The following NFIX variants were observed in gnomAD, a reference collection of about 807,000 sequenced individuals.
NFIX encodes nuclear factor 1 X-type.
NFIX carries 2 observed loss-of-function variants against 53.3 expected under a neutral mutation model. The observed-to-expected ratio is 0.04, with a 90% CI of 0.02 to 0.12. The LOEUF (loss-of-function observed/expected upper bound fraction) is 0.12, where lower values mean the gene tolerates loss of function less well. Among genes scored for constraint, NFIX ranks in the 10% least tolerant of loss-of-function variants. The pLI, the probability that NFIX is intolerant of heterozygous loss-of-function variation, is 1.00. For synonymous variants in NFIX, 244 were observed against 289.0 expected (o/e 0.84, Z 1.58); for missense variants, 310 against 674.5 (o/e 0.46, Z 5.99).
chr19:13,020,092 G>A (rs578244240), intron 1 of NFIX, among the ~76,000 whole-genome samples: 6 of 152,212 alleles, frequency 3.9e-5, no homozygotes, highest in East Asian at 1.9e-4. Flanking sequence ...GCCTTGAATC[G>A]TATGAGGGAT....
At chr19:13,062,931 C>G (rs1168144978) in intron 2 of NFIX, among the ~76,000 whole-genome samples, 1 of 152,186 alleles carries the variant, frequency 6.6e-6, no homozygotes, top group Admixed American at 6.5e-5. Context: ...CAGCCTAACT[C>G]CCACTTCCCC....
chr19:13,050,112 T>A (rs560298419), intron 2 of NFIX, among the ~76,000 whole-genome samples: 2 of 152,384 alleles, frequency 1.3e-5, no homozygotes, highest in South Asian at 4.1e-4. Flanking sequence ...CTGCATTCCT[T>A]GTGCATCTTG....
rs1355296496 is a variant in NFIX, at chr19:12,996,979, A to G, written c.27+1115A>G. 2.6e-5 allele frequency among the ~76,000 whole-genome samples: 4 copies of G among 152,246 alleles called. No homozygotes were observed. Among genetic ancestry groups the G allele is most frequent in the African/African-American group, 4.8e-5 (2 of 41,462 alleles). ...ACAGCGTTGCCTGCAGGGCCAAGCCACAGCTGGTAACAGTCTCCGAAGAGG... is the reference window on the plus strand; with the variant it reads ...ACAGCGTTGCCTGCAGGGCCAAGCCGCAGCTGGTAACAGTCTCCGAAGAGG... On this transcript the variant is annotated intron_variant, in intron 1 of 10. Coordinates refer to ENST00000592199, the MANE Select transcript of NFIX (RefSeq NM_001365902.3). This position sits in a 1 kb window ranked among gnomAD's most constrained non-coding sequence, Gnocchi z 5.2.
Position 13,096,263 on chromosome 19 carries a change from T to G in NFIX, c.*1614T>G, listed in dbSNP as rs2018449518. ...ACACAAAGCACAGGTCAGGATCCTCTGAGAGAAAATCAACATTGCACCACG... is the reference window on the plus strand; with the variant it reads ...ACACAAAGCACAGGTCAGGATCCTCGGAGAGAAAATCAACATTGCACCACG... On this transcript the variant is annotated 3_prime_UTR_variant, in exon 11 of 11. Transcript: ENST00000592199. The G allele has an allele frequency of 1.3e-5, 2 of 152,708 alleles. No homozygotes were observed. Among genetic ancestry groups the G allele is most frequent in the African/African-American group, 2.4e-5 (1 of 41,454 alleles). The allele number at this position is 152,708 out of a possible 1,614,324, so 9.5% of individuals were successfully genotyped here. A position where few individuals can be genotyped will look rare whatever the true frequency, so the allele number is the denominator to read the frequency against.
At chr19:13,033,745 C>T (rs779569885) in intron 2 of NFIX, among the ~76,000 whole-genome samples, 37 of 152,234 alleles carry the variant, frequency 2.4e-4, no homozygotes, top group Non-Finnish European at 4.4e-4. Context: ...TAAGCCTGTG[C>T]TCCTGGCTGG....
At chr19:13,035,547 G>A (rs1280027713) in intron 2 of NFIX, among the ~76,000 whole-genome samples, 1 of 152,046 alleles carries the variant, frequency 6.6e-6, no homozygotes, top group Non-Finnish European at 1.5e-5. Flanking sequence ...CATGAGACAC[G>A]GAGACCAGAA....
chr19:13,056,284 G>C (rs1019141482), intron 2 of NFIX, among the ~76,000 whole-genome samples: 4 of 152,194 alleles, frequency 2.6e-5, no homozygotes, highest in Non-Finnish European at 5.9e-5. Flanking sequence ...CTCACGGGGA[G>C]GAGCTTGAGG....
At chr19:13,031,364 G>T (rs2013791584) in intron 2 of NFIX, among the ~76,000 whole-genome samples, 1 of 152,132 alleles carries the variant, frequency 6.6e-6, no homozygotes. Flanking sequence ...TATGGGCATG[G>T]TGACCAGCCG....
chr19:13,090,157 G>C lies in NFIX; in HGVS notation c.1403-142G>C, dbSNP rs564904240. Reference sequence around the variant, plus strand: ...GGCCTTCAGCTCAGATGCCCCTCTGGCCCATCCTTCCCACTGCCAGCCTAA... The same window carrying C: ...GGCCTTCAGCTCAGATGCCCCTCTGCCCCATCCTTCCCACTGCCAGCCTAA... On this transcript the variant is annotated intron_variant, in intron 9 of 10. Coordinates refer to ENST00000592199, the MANE Select transcript of NFIX (RefSeq NM_001365902.3). This position sits in a 1 kb window ranked among gnomAD's most constrained non-coding sequence, Gnocchi z 6.6. 1 of 762,070 alleles carries C rather than the reference G, an allele frequency of 1.3e-6. No individual in the cohort carries two copies. The highest frequency in any genetic ancestry group is 1.7e-5 in the African/African-American group (1 of 58,768). 47.2% of individuals were successfully genotyped at this position (762,070 alleles called of 1,614,324 possible).
intron 1 of NFIX, among the ~76,000 whole-genome samples, chr19:13,008,142 T>C (rs568594711): frequency 8.1e-4 from 123 of 152,278 alleles, no homozygotes; most frequent in African/African-American, 2.8e-3. Flanking sequence ...TTCCAGCTGG[T>C]GGGGTTTCGC....
At position 13,025,851 on chromosome 19, in the gene NFIX, A is replaced by G. The variant is rs539305901; in HGVS notation, c.559+299A>G. 6.6e-6 allele frequency among the ~76,000 whole-genome samples: 1 copy of G among 152,344 alleles called. No homozygotes were observed. Among genetic ancestry groups the G allele is most frequent in the South Asian group, 2.1e-4 (1 of 4,826 alleles). On this transcript the variant is annotated intron_variant, in intron 2 of 10. Transcript: ENST00000592199. This position sits in a 1 kb window ranked among gnomAD's most constrained non-coding sequence, Gnocchi z 7.5. ...TGCTGCAGGTCTTAGGATTGGGGAC[A>G]TGATGCCCCCAGAATTATCCATGAT...
intron 2 of NFIX, among the ~76,000 whole-genome samples, chr19:13,033,027 A>AG (rs1241357641): frequency 6.6e-6 from 1 of 151,692 alleles, no homozygotes; most frequent in Non-Finnish European, 1.5e-5. Context: ...CCATTGGGTG[A>AG]GGGGGGGCTC....
At position 13,001,459 on chromosome 19, in the gene NFIX, G is replaced by A. The variant is rs2011689766; in HGVS notation, c.27+5595G>A. 6.6e-6 allele frequency among the ~76,000 whole-genome samples: 1 copy of A among 152,092 alleles called. No homozygotes were observed. Among genetic ancestry groups the A allele is most frequent in the Non-Finnish European group, 1.5e-5 (1 of 68,016 alleles). ...CGGATGTAGTCTCTGTGTCACGGTG[G>A]CGCTGCGCACGTCAACGGGTATTGG... On this transcript the variant is annotated intron_variant, in intron 1 of 10. Coordinates refer to ENST00000592199, the MANE Select transcript of NFIX (RefSeq NM_001365902.3). This position sits in a 1 kb window ranked among gnomAD's most constrained non-coding sequence, Gnocchi z 6.5.
rs1261812821 is a variant in NFIX, at chr19:13,022,782, A to G, written c.28-2239A>G. 1.3e-5 allele frequency among the ~76,000 whole-genome samples: 2 copies of G among 151,890 alleles called. No individual in the cohort carries two copies. Among genetic ancestry groups the G allele is most frequent in the Non-Finnish European group, 2.9e-5 (2 of 67,956 alleles). The stretch of plus-strand genomic sequence containing the variant: ...TTTTCAGGCTTAAAAAAAAATTTCG[A>G]GTCTTCCACAATCCCAGTCCCCCCC... On this transcript the variant is annotated intron_variant, in intron 1 of 10. Transcript: ENST00000592199. The surrounding 1 kb of genome is among the most constrained non-coding windows in gnomAD (Gnocchi z 4.5).
Position 13,040,810 on chromosome 19 carries a change from A to G in NFIX, c.559+15258A>G, listed in dbSNP as rs997378551. Among the ~76,000 whole-genome samples the G allele has an allele frequency of 6.6e-6, 1 of 152,142 alleles. No homozygotes were observed. The highest frequency in any genetic ancestry group is 2.4e-5 in the African/African-American group (1 of 41,418). On this transcript the variant is annotated intron_variant, in intron 2 of 10. Coordinates refer to ENST00000592199, the MANE Select transcript of NFIX (RefSeq NM_001365902.3). This position sits in a 1 kb window ranked among gnomAD's most constrained non-coding sequence, Gnocchi z 4.2. The stretch of plus-strand genomic sequence containing the variant: ...CTTCTCGAAGCAGATCTTAAAGTTG[A>G]TTCTGCTGCCGCTGCTGTACCTTTG...
intron 8 of NFIX, among the ~76,000 whole-genome samples, chr19:13,084,707 G>A (rs1016716241): frequency 2.6e-5 from 4 of 152,158 alleles, no homozygotes; most frequent in African/African-American, 9.7e-5. Flanking sequence ...GAGGCAGGAT[G>A]CCTGGTCCTG....
intron 2 of NFIX, among the ~76,000 whole-genome samples, chr19:13,038,356 C>T (rs999404874): frequency 6.6e-6 from 1 of 152,184 alleles, no homozygotes; most frequent in African/African-American, 2.4e-5. Flanking sequence ...CCCATATAGA[C>T]CTGAACAGGC....
rs1568269527 is a variant in NFIX, at chr19:13,025,507, A to G, written c.514A>G (p.Ile172Val). ...CVQPHHIGVT[I>V]KELDLYLAYF... ...CCAGCCACATCACATTGGAGTCACA[A>G]TCAAAGAACTGGATCTTTATCTGGC... Residue 172 changes from isoleucine (I) to valine (V), a missense_variant, in exon 2 of 11, where the codon ATC becomes GTC. Physicochemically the swap from Ile to Val is conservative, Grantham distance 29. Around this residue, in one of 5 missense-constraint regions of NFIX, gnomAD observed 164 missense variants for 284.4 expected, o/e 0.58. Coordinates refer to ENST00000592199, the MANE Select transcript of NFIX (RefSeq NM_001365902.3). The surrounding 1 kb of genome is among the most constrained non-coding windows in gnomAD (Gnocchi z 7.5). The G allele has an allele frequency of 1.2e-6, 2 of 1,613,946 alleles. No homozygotes were observed. Among genetic ancestry groups the G allele is most frequent in the Non-Finnish European group, 1.7e-6 (2 of 1,179,850 alleles).
In NFIX at chr19:13,072,375, A is replaced by T. The variant is rs533871492; in HGVS notation, c.560-672A>T. 6.6e-6 allele frequency among the ~76,000 whole-genome samples: 1 copy of T among 152,392 alleles called. No individual in the cohort carries two copies. Among genetic ancestry groups the T allele is most frequent in the South Asian group, 2.1e-4 (1 of 4,832 alleles). ...GTGGCACCGGGGCATGAGACAGCCC[A>T]GACAGGCTGGCACAGAGCGGGCGAC... On this transcript the variant is annotated intron_variant, in intron 2 of 10. Transcript: ENST00000592199. This position sits in a 1 kb window ranked among gnomAD's most constrained non-coding sequence, Gnocchi z 4.0.
Sources: gnomAD v4.1 joint callset for allele counts (sites outside exome capture counted in the v4.1 genomes callset) on GRCh38, gnomAD v4.1.1 for gene constraint, gnomAD v4.1.1 regional missense constraint, Gnocchi (gnomAD v3.1) non-coding constraint, MANE v1.5 for transcripts, NCBI Gene and HGNC (gene_info 2026-07-23, HGNC 2026-07-21) for gene names.